The following DSCAM variants were observed in gnomAD, a reference collection of about 807,000 sequenced individuals.
DSCAM encodes the protein DS cell adhesion molecule.
DSCAM carries 47 observed loss-of-function variants against 217.7 expected under a neutral mutation model. The ratio of observed to expected loss-of-function variants is 0.22; its 90% CI spans 0.17 to 0.28. The LOEUF is 0.28. DSCAM is among the 10% of genes least tolerant of loss of function. DSCAM has a pLI of 1.00. For missense variants in DSCAM, 2,080 were observed against 2,618.3 expected, an observed-to-expected ratio of 0.79 and a Z score of 4.49; for synonymous variants, 1,056 against 1,015.3, an observed-to-expected ratio of 1.04 and a Z score of -0.76.
intron 3 of DSCAM, among the ~76,000 whole-genome samples, chr21:40,535,389 T>C (rs1161192286): frequency 6.6e-6 from 1 of 152,182 alleles, no homozygotes; most frequent in Non-Finnish European, 1.5e-5. Context: ...ATGGCGTGTG[T>C]TCAGATCCTG....
rs149483515 is a variant in DSCAM at position 40,746,537 on chromosome 21, C to T, written c.44-37766G>A. ...TATGTATGCACCCAAAACTGGGACT[C>T]TCAATATTTGAGACCCTCAAATATG... On this transcript the variant is annotated intron_variant, in intron 1 of 32. Transcript: ENST00000400454. 1.3e-4 allele frequency among the ~76,000 whole-genome samples: 20 copies of T among 151,956 alleles called. No individual in the cohort carries two copies. The East Asian group carries it at 1.5e-3, about 12-fold the overall frequency.
intron 3 of DSCAM, among the ~76,000 whole-genome samples, chr21:40,520,326 T>C (rs1051828791): frequency 6.6e-6 from 1 of 152,186 alleles, no homozygotes; most frequent in Non-Finnish European, 1.5e-5. Flanking sequence ...GCAATAATTA[T>C]AGCAAGTCAG....
Position 40,078,974 on chromosome 21 carries a change from G to A in DSCAM, c.4424C>T (p.Pro1475Leu), listed in dbSNP as rs1268259991. 4 of 1,613,248 alleles carry A rather than the reference G, an allele frequency of 2.5e-6. No individual in the cohort carries two copies. Among genetic ancestry groups the A allele is most frequent in the South Asian group, 1.1e-5 (1 of 90,994 alleles). Residue 1475 changes from proline (P) to leucine (L), a missense_variant, in exon 26 of 33, where the codon CCC (proline) becomes CTC (leucine). Physicochemically the swap from Pro to Leu is moderately conservative, Grantham distance 98 (BLOSUM62 -3). This residue lies in a region of DSCAM where 1,144 missense variants were observed against 1,421.1 expected (regional missense o/e 0.81). Coordinates refer to ENST00000400454, the MANE Select transcript of DSCAM (RefSeq NM_001389.5). ...CAGCTCCTGCTCCTTTGAGAACTGG[G>A]GCTCTGGGGGAGAAGGCACATGGAG... Reference protein sequence around the residue: ...IIEAKTLGKEPQFSKEQELFA... With the variant: ...IIEAKTLGKELQFSKEQELFA...
At chr21:40,697,905 T>C (rs1455524312) in intron 2 of DSCAM, among the ~76,000 whole-genome samples, 1 of 152,204 alleles carries the variant, frequency 6.6e-6, no homozygotes, top group African/African-American at 2.4e-5. Flanking sequence ...CTTGAATCTG[T>C]AGATCACTTT....
At chr21:40,213,975 C>T (rs1396099227) in intron 11 of DSCAM, among the ~76,000 whole-genome samples, 49 of 152,322 alleles carry the variant, frequency 3.2e-4, no homozygotes, top group Admixed American at 3.2e-3. Context: ...TCCACACCTA[C>T]ATGGTGAGGA....
intron 11 of DSCAM, among the ~76,000 whole-genome samples, chr21:40,199,759 G>A (rs919670599): frequency 1.3e-5 from 2 of 152,070 alleles, no homozygotes; most frequent in African/African-American, 2.4e-5. Context: ...GGAACAACAC[G>A]CACCGGGGCC....
intron 3 of DSCAM, among the ~76,000 whole-genome samples, chr21:40,464,627 C>T (rs920843126): frequency 1.1e-4 from 16 of 152,168 alleles, no homozygotes; most frequent in African/African-American, 3.1e-4. Context: ...AAAATATATC[C>T]GACTTCTACC....
At position 40,225,226 on chromosome 21, in the gene DSCAM, T is replaced by C. The variant is rs183469648; in HGVS notation, c.2357-35988A>G. 4.2e-3 allele frequency among the ~76,000 whole-genome samples: 645 copies of C among 152,314 alleles called. 3 individuals are homozygous for C. Among genetic ancestry groups the C allele is most frequent in the Middle Eastern group, 0.01 (3 of 294 alleles). ...ACACATATGCGTACTTGTATTTCCC[T>C]TCTCTTTACTGCCTGCCTTCATTTC... On this transcript the variant is annotated intron_variant, in intron 11 of 32. Transcript: ENST00000400454.
intron 16 of DSCAM, among the ~76,000 whole-genome samples, chr21:40,162,166 C>T (rs1266824256): frequency 1.3e-5 from 2 of 152,218 alleles, no homozygotes; most frequent in African/African-American, 2.4e-5. Flanking sequence ...AACCAGGCAG[C>T]CTGGGTGGAA....
intron 3 of DSCAM, among the ~76,000 whole-genome samples, chr21:40,481,887 T>C (rs1380430239): frequency 6.6e-6 from 1 of 152,142 alleles, no homozygotes; most frequent in Non-Finnish European, 1.5e-5. Context: ...TTTATGAAGC[T>C]ACAGCAAATG....
intron 1 of DSCAM, among the ~76,000 whole-genome samples, chr21:40,797,146 A>T (rs1019710863): frequency 6.6e-6 from 1 of 152,160 alleles, no homozygotes; most frequent in Non-Finnish European, 1.5e-5. Context: ...GTAGGGGAAA[A>T]AATGACACAT....
chr21:40,492,138 GA>G (rs142149976), intron 3 of DSCAM, among the ~76,000 whole-genome samples: 10,467 of 148,198 alleles, frequency 0.071, 461 homozygotes, highest in African/African-American at 0.13. Flanking sequence ...CATTGCTTTA[GA>G]AAAAAAAAAT....
chr21:40,333,926 C>T (rs1047669029), intron 8 of DSCAM, among the ~76,000 whole-genome samples: 12 of 152,158 alleles, frequency 7.9e-5, no homozygotes, highest in East Asian at 1.9e-4. Flanking sequence ...TTTGGGTTCT[C>T]GCACCTTGCA....
chr21:40,122,227 G>A (rs562325592), intron 20 of DSCAM, among the ~76,000 whole-genome samples: 48 of 152,156 alleles, frequency 3.2e-4, no homozygotes, highest in African/African-American at 1.0e-3. Flanking sequence ...CCACAAATAG[G>A]GGCTTTCTCA....
At chr21:40,479,855 G>C (rs1325004356) in intron 3 of DSCAM, among the ~76,000 whole-genome samples, 1 of 152,182 alleles carries the variant, frequency 6.6e-6, no homozygotes, top group Non-Finnish European at 1.5e-5. Context: ...AGAAAAATAA[G>C]TTGTAAATAT....
At chr21:40,539,896 C>T (rs1261111922) in intron 3 of DSCAM, among the ~76,000 whole-genome samples, 1 of 152,152 alleles carries the variant, frequency 6.6e-6, no homozygotes, top group Non-Finnish European at 1.5e-5. Flanking sequence ...ATCATTTTCC[C>T]ATGTACTCAC....
At chr21:40,238,538 C>T (rs1026851378) in intron 11 of DSCAM, among the ~76,000 whole-genome samples, 2 of 152,178 alleles carry the variant, frequency 1.3e-5, no homozygotes, top group Non-Finnish European at 2.9e-5. Context: ...GCCTAGGTGT[C>T]CTCTCAGAAG....
chr21:40,526,986 G>T (rs1385043978), intron 3 of DSCAM, among the ~76,000 whole-genome samples: 2 of 152,072 alleles, frequency 1.3e-5, no homozygotes, highest in Non-Finnish European at 2.9e-5. Context: ...AGCAGCATTT[G>T]CACTGCCTGG....
intron 9 of DSCAM, among the ~76,000 whole-genome samples, chr21:40,296,831 CA>C (rs58219836): frequency 0.11 from 6,187 of 53,870 alleles, 67 homozygotes; most frequent in Middle Eastern, 0.21. Context: ...AACTCCATCT[CA>C]AAAAAAAAAA....
Sources: allele counts gnomAD v4.1 joint callset (sites outside exome capture counted in the v4.1 genomes callset), GRCh38; gene constraint gnomAD v4.1.1; regional missense constraint gnomAD v4.1.1; transcripts MANE v1.5; gene names NCBI Gene and HGNC (gene_info 2026-07-23, HGNC 2026-07-21).